SLCO6A1: variants seen among roughly 807,000 people sequenced by gnomAD.
The protein encoded by SLCO6A1 is cancer/testis antigen 48.
In SLCO6A1, 65 loss-of-function variants were observed where a neutral mutation model predicts 72.7. The observed-to-expected ratio is 0.89, with a 90% CI of 0.73 to 1.10. The LOEUF (loss-of-function observed/expected upper bound fraction) is 1.10, where lower values mean the gene tolerates loss of function less well. Ranked by LOEUF, SLCO6A1 falls within the 50% of genes least tolerant of loss-of-function variation. The pLI, the probability that SLCO6A1 is intolerant of heterozygous loss-of-function variation, is 0.00. For synonymous variants in SLCO6A1, 314 were observed against 298.2 expected, an observed-to-expected ratio of 1.05 and a Z score of -0.55; for missense variants, 874 against 872.6, an observed-to-expected ratio of 1.00 and a Z score of -0.02.
chr5:102,488,285 A>G (rs895101293), intron 1 of SLCO6A1, among the ~76,000 whole-genome samples: 7 of 152,222 alleles, frequency 4.6e-5, no homozygotes, highest in East Asian at 3.8e-4. Flanking sequence ...ACAAATCTCA[A>G]TGTTTTCAAA....
intron 8 of SLCO6A1, among the ~76,000 whole-genome samples, chr5:102,415,033 A>G (rs915609587): frequency 6.6e-5 from 10 of 152,204 alleles, no homozygotes; most frequent in Non-Finnish European, 1.5e-4. Context: ...TCTATAAGAA[A>G]AGAAAACTAC....
intron 10 of SLCO6A1, among the ~76,000 whole-genome samples, chr5:102,396,982 T>C (rs765487819): frequency 6.6e-6 from 1 of 152,164 alleles, no homozygotes; most frequent in Non-Finnish European, 1.5e-5. Flanking sequence ...ACCTCTCAAA[T>C]ACAGCAGTCA....
At position 102,438,651 on chromosome 5, in the gene SLCO6A1, A is replaced by C. The variant is rs373063853; in HGVS notation, c.1242T>G (p.Phe414Leu). 1.9e-5 allele frequency: 30 copies of C among 1,591,728 alleles called. No homozygotes were observed. In the African/African-American group the frequency reaches 3.9e-4, roughly 21 times the overall value. The change falls in exon 7 of 14, where the codon TTT becomes TTG. Residue 414 changes from phenylalanine to leucine, a missense_variant. Physicochemically the swap from Phe to Leu is conservative, Grantham distance 22. Transcript: ENST00000506729. ...TAGTTGCCACAGTGGGTGTTAATAT[A>C]AACTGATTTTCTAAATATATAGGCA... ...EFLPIYLENQ[F>L]ILTPTVATTL...
At chr5:102,492,905 G>C (rs893635242) in intron 1 of SLCO6A1, among the ~76,000 whole-genome samples, 5 of 152,148 alleles carry the variant, frequency 3.3e-5, no homozygotes, top group African/African-American at 1.2e-4. Context: ...TAACTGGGTG[G>C]AGCCCACCAC....
chr5:102,438,839 A>T, intron 6 of SLCO6A1, 78 bp from the exon 7 acceptor site: 2 of 1,047,516 alleles, frequency 1.9e-6, no homozygotes, highest in Non-Finnish European at 2.6e-6. Flanking sequence ...AATGCTAATG[A>T]TCTGTCTACA....
chr5:102,469,505 T>C (rs1313196586), intron 4 of SLCO6A1, among the ~76,000 whole-genome samples: 3 of 152,166 alleles, frequency 2.0e-5, no homozygotes, highest in Non-Finnish European at 4.4e-5. Flanking sequence ...TGCACATTGA[T>C]TTTGTATCCT....
At chr5:102,455,286 T>C (rs1253268585) in intron 6 of SLCO6A1, among the ~76,000 whole-genome samples, 1 of 152,020 alleles carries the variant, frequency 6.6e-6, no homozygotes, top group Admixed American at 6.6e-5. Flanking sequence ...ATTCAGTTGA[T>C]GCTACTGTGA....
chr5:102,465,314 GATAT>G (rs10607474), intron 4 of SLCO6A1, among the ~76,000 whole-genome samples: 7 of 149,140 alleles, frequency 4.7e-5, no homozygotes, highest in Non-Finnish European at 1.5e-5. Context: ...GGAGTTAGTG[GATAT>G]ATATATATAT....
Position 102,407,271 on chromosome 5 carries a change from C to T in SLCO6A1, c.1626+5719G>A, listed in dbSNP as rs138207772. ...CCCCCTGCCCTTTTCCTAGAAATTT[C>T]TGCATAATCTGTCCCTTAATTTGCA... On this transcript the variant is annotated intron_variant, in intron 9 of 13. Coordinates refer to ENST00000506729, the MANE Select transcript of SLCO6A1 (RefSeq NM_173488.5). 2.1e-3 allele frequency among the ~76,000 whole-genome samples: 319 copies of T among 152,260 alleles called. 4 individuals carry two copies. Among genetic ancestry groups the T allele is most frequent in the African/African-American group, 7.3e-3 (303 of 41,548 alleles).
intron 6 of SLCO6A1, among the ~76,000 whole-genome samples, chr5:102,448,032 A>T (rs1750211390): frequency 6.6e-6 from 1 of 152,174 alleles, no homozygotes; most frequent in Non-Finnish European, 1.5e-5. Flanking sequence ...CCTTCTTAAC[A>T]ATGCTTTAGC....
intron 7 of SLCO6A1, among the ~76,000 whole-genome samples, chr5:102,421,628 C>T (rs1302321379): frequency 6.6e-6 from 1 of 152,136 alleles, no homozygotes; most frequent in South Asian, 2.1e-4. Flanking sequence ...CAGTCTGGGG[C>T]TTATAGATGA....
intron 7 of SLCO6A1, among the ~76,000 whole-genome samples, chr5:102,428,855 C>G (rs1158523376): frequency 6.6e-6 from 1 of 152,058 alleles, no homozygotes; most frequent in Non-Finnish European, 1.5e-5. Context: ...TTGCCTTTAG[C>G]TCTTTGAGGA....
intron 10 of SLCO6A1, among the ~76,000 whole-genome samples, chr5:102,394,235 T>G (rs944600904): frequency 1.9e-4 from 29 of 152,340 alleles, no homozygotes; most frequent in African/African-American, 7.0e-4. Flanking sequence ...CATTGAATGC[T>G]ATCCCATTCC....
At chr5:102,389,827 T>G (rs558234386) in intron 11 of SLCO6A1, among the ~76,000 whole-genome samples, 94 of 138,152 alleles carry the variant, frequency 6.8e-4, no homozygotes, top group African/African-American at 2.5e-3. Context: ...AGCCTCCCTT[T>G]TCTTTTCCTC....
intron 12 of SLCO6A1, among the ~76,000 whole-genome samples, chr5:102,379,773 C>CAA (rs10672287): frequency 0.17 from 24,208 of 140,818 alleles, 2,139 homozygotes; most frequent in Middle Eastern, 0.23. Context: ...TTGTCAATTT[C>CAA]AAAAAAAAAA....
At chr5:102,447,630 G>A (rs1270028196) in intron 6 of SLCO6A1, among the ~76,000 whole-genome samples, 5 of 152,052 alleles carry the variant, frequency 3.3e-5, no homozygotes, top group Admixed American at 6.6e-5. Flanking sequence ...AAATTTATCC[G>A]TTTCTTCCAG....
chr5:102,385,648 A>C lies in SLCO6A1; in HGVS notation c.2017+3040T>G, dbSNP rs565444373. Among the ~76,000 whole-genome samples, 33 of 151,920 alleles carry C rather than the reference A, an allele frequency of 2.2e-4. 1 individual carries two copies. The highest frequency in any genetic ancestry group is 1.0e-3 in the South Asian group (5 of 4,812). ...ATTGTGTTATTTAGCTCTAAAATTT[A>C]TTTCTTTTTTATGGCTTGTATCTCT... On this transcript the variant is annotated intron_variant, in intron 12 of 13. Transcript: ENST00000506729.
At chr5:102,411,998 A>C in intron 9 of SLCO6A1, among the ~76,000 whole-genome samples, 1 of 152,122 alleles carries the variant, frequency 6.6e-6, no homozygotes, top group East Asian at 1.9e-4. Context: ...CCACTATGAG[A>C]CTTCAAAAGA....
intron 12 of SLCO6A1, among the ~76,000 whole-genome samples, chr5:102,375,221 T>C (rs1745713818): frequency 6.6e-6 from 1 of 152,134 alleles, no homozygotes; most frequent in Non-Finnish European, 1.5e-5. Context: ...CTCAAAGATA[T>C]GTAGCCTAGT....
Sources: allele counts gnomAD v4.1 joint callset (sites outside exome capture counted in the v4.1 genomes callset), GRCh38; gene constraint gnomAD v4.1.1; transcripts MANE v1.5; gene names NCBI Gene and HGNC (gene_info 2026-07-23, HGNC 2026-07-21).